ADGRG7: variants seen among roughly 807,000 people sequenced by gnomAD.
The protein encoded by ADGRG7 is adhesion G protein-coupled receptor G7.
ADGRG7 carries 82 observed loss-of-function variants against 88.6 expected under a neutral mutation model. The observed-to-expected ratio is 0.93, with a 90% CI of 0.77 to 1.11. The LOEUF (loss-of-function observed/expected upper bound fraction) is 1.11. ADGRG7 is among the 50% of genes most tolerant of loss of function. The pLI, the probability that ADGRG7 is intolerant of heterozygous loss-of-function variation, is 0.00. For synonymous variants in ADGRG7, 381 were observed against 345.2 expected, an observed-to-expected ratio of 1.10 and a Z score of -1.15; for missense variants, 945 against 953.4, an observed-to-expected ratio of 0.99 and a Z score of 0.12.
rs756596346 is a variant in ADGRG7 at position 100,655,878 on chromosome 3, GTGCCTC to G, written c.1727-19_1727-14del. On this transcript the variant is annotated splice_polypyrimidine_tract_variant and intron_variant, in intron 12 of 15. Transcript: ENST00000273352. ...CAAGTCTGGATAAATCATTAATTAT[GTGCCTC>G]TCTTTATCACATAGGAGTCCCAGCT... 11 of 1,281,394 alleles carry G rather than the reference GTGCCTC, an allele frequency of 8.6e-6. No homozygotes were observed. The highest frequency in any genetic ancestry group is 1.3e-5 in the Non-Finnish European group (11 of 879,506). 79.4% of individuals were successfully genotyped at this position (1,281,394 alleles called of 1,614,324 possible).
intron 15 of ADGRG7, among the ~76,000 whole-genome samples, chr3:100,674,105 A>C (rs1443532272): frequency 6.6e-6 from 1 of 152,148 alleles, no homozygotes; most frequent in Admixed American, 6.6e-5. Flanking sequence ...CATTGGTTTC[A>C]AAGGACATCT....
intron 15 of ADGRG7, among the ~76,000 whole-genome samples, chr3:100,686,249 G>C (rs1372766183): frequency 1.3e-5 from 2 of 151,866 alleles, no homozygotes; most frequent in African/African-American, 2.4e-5. Flanking sequence ...AAATTTGTTT[G>C]AGTTCATTAT....
chr3:100,661,670 A>G (rs1393214885), intron 14 of ADGRG7, among the ~76,000 whole-genome samples: 1 of 152,252 alleles, frequency 6.6e-6, no homozygotes, highest in Admixed American at 6.5e-5. Flanking sequence ...ATGATCTCAA[A>G]CAATATTCAA....
chr3:100,686,784 T>C (rs1363839359), intron 15 of ADGRG7, among the ~76,000 whole-genome samples: 1 of 152,242 alleles, frequency 6.6e-6, no homozygotes, highest in Non-Finnish European at 1.5e-5. Context: ...TGTAGCCTTG[T>C]AGTATAGTTT....
At chr3:100,671,633 G>A (rs1025871726) in intron 15 of ADGRG7, among the ~76,000 whole-genome samples, 2 of 152,160 alleles carry the variant, frequency 1.3e-5, no homozygotes, top group Non-Finnish European at 2.9e-5. Flanking sequence ...CTTTGCACAT[G>A]CCTTTGTCCT....
intron 15 of ADGRG7, 116 bp from the exon 16 acceptor site, chr3:100,694,628 C>T: frequency 2.0e-6 from 2 of 992,330 alleles, no homozygotes; most frequent in South Asian, 1.7e-5. Flanking sequence ...CTGGCAAATT[C>T]AAGTTGGGGA....
At chr3:100,612,599 A>G (rs968388799) in intron 1 of ADGRG7, among the ~76,000 whole-genome samples, 1 of 152,340 alleles carries the variant, frequency 6.6e-6, no homozygotes, top group South Asian at 2.1e-4. Flanking sequence ...CACAATCATA[A>G]TGGTAGAAAA....
At chr3:100,632,748 CAACTACTTAAGTATT>C (rs1306332806) in intron 3 of ADGRG7, among the ~76,000 whole-genome samples, 1 of 152,088 alleles carries the variant, frequency 6.6e-6, no homozygotes, top group Non-Finnish European at 1.5e-5. Context: ...TTTTCTATAG[CAACTACTTAAGTATT>C]AACTACAGGA....
rs753816226 is a variant in ADGRG7, at chr3:100,611,244, TTTCCTTCCTTCC to T, written c.115+1320_115+1331del. On this transcript the variant is annotated intron_variant, in intron 1 of 15. Coordinates refer to ENST00000273352, the MANE Select transcript of ADGRG7 (RefSeq NM_032787.3). Reference sequence around the variant, plus strand: ...CTTCACAAAGTTTTGTTTGTTTGTTTTTCCTTCCTTCCTTCCTTCCTTCCTTCCTTCCTTCCT... The same window carrying T: ...CTTCACAAAGTTTTGTTTGTTTGTTTTTCCTTCCTTCCTTCCTTCCTTCCT... Among the ~76,000 whole-genome samples, 531 of 64,870 alleles carry T rather than the reference TTTCCTTCCTTCC, an allele frequency of 8.2e-3. 7 individuals are homozygous for T. The highest frequency in any genetic ancestry group is 0.016 in the African/African-American group (488 of 30,088). The allele number at this position is 64,870 out of a possible 152,430, so 42.6% of individuals were successfully genotyped here. A position where few individuals can be genotyped will look rare whatever the true frequency, so the allele number is the denominator to read the frequency against.
intron 15 of ADGRG7, among the ~76,000 whole-genome samples, chr3:100,691,891 T>TG (rs1261131703): frequency 2.6e-5 from 4 of 152,170 alleles, no homozygotes; most frequent in Non-Finnish European, 5.9e-5. Context: ...ATCAGTACTC[T>TG]GAGTGCAAGG....
In ADGRG7 at chr3:100,692,534, G is replaced by T. The variant is rs549194619; in HGVS notation, c.2137-2210G>T. 2.6e-5 allele frequency among the ~76,000 whole-genome samples: 4 copies of T among 152,234 alleles called. No individual in the cohort carries two copies. In the South Asian group the frequency reaches 6.2e-4, roughly 24 times the overall value. The stretch of plus-strand genomic sequence containing the variant: ...GTAACAAAGTGTTAATGGTAAAATG[G>T]TAAAAACTGTTAATGGTAAAATGAT... On this transcript the variant is annotated intron_variant, in intron 15 of 15. Transcript: ENST00000273352.
chr3:100,695,193 T>G lies in ADGRG7; in HGVS notation c.*192T>G. 1.7e-6 allele frequency: 1 copy of G among 587,768 alleles called. No homozygotes were observed. Among genetic ancestry groups the G allele is most frequent in the Non-Finnish European group, 2.9e-6 (1 of 341,166 alleles). The allele number at this position is 587,768 out of a possible 1,614,324, so 36.4% of individuals were successfully genotyped here. A position where few individuals can be genotyped will look rare whatever the true frequency, so the allele number is the denominator to read the frequency against. ...GGTAGTTTTTCTATTTTTCAATAGATTTGTACTTGAATAAGGTGAAGAATT... is the reference window on the plus strand; with the variant it reads ...GGTAGTTTTTCTATTTTTCAATAGAGTTGTACTTGAATAAGGTGAAGAATT... On this transcript the variant is annotated 3_prime_UTR_variant, in exon 16 of 16. Transcript: ENST00000273352.
chr3:100,680,607 G>A (rs114564189), intron 15 of ADGRG7, among the ~76,000 whole-genome samples: 1,539 of 152,034 alleles, frequency 0.01, 22 homozygotes, highest in African/African-American at 0.024. Context: ...CAATTATTAA[G>A]CAATACTTCT....
intron 14 of ADGRG7, among the ~76,000 whole-genome samples, chr3:100,664,156 A>G (rs990130087): frequency 3.9e-5 from 6 of 152,054 alleles, no homozygotes; most frequent in Non-Finnish European, 7.4e-5. Flanking sequence ...TTTTATTTGG[A>G]CTCTTTAAAA....
In ADGRG7 at chr3:100,659,693, G is replaced by T. The variant is rs1036708582; in HGVS notation, c.1829G>T (p.Trp610Leu). 6.2e-7 allele frequency: 1 copy of T among 1,612,526 alleles called. No individual in the cohort carries two copies. The highest frequency in any genetic ancestry group is 8.5e-7 in the Non-Finnish European group (1 of 1,179,490). ...ATTTTTTTTTTCCTCCACAGCTGCT[G>T]GCTGGCAATTCCAGAACCCAATGGT... ...ELDYRQEKIC[W>L]LAIPEPNGVI... Residue 610 changes from tryptophan (W) to leucine (L), a missense_variant, in exon 14 of 16, where the codon TGG becomes TTG. Trp to Leu is a moderately conservative substitution (Grantham distance 61). Coordinates refer to ENST00000273352, the MANE Select transcript of ADGRG7 (RefSeq NM_032787.3).
chr3:100,676,776 T>C (rs779652929), intron 15 of ADGRG7, among the ~76,000 whole-genome samples: 2 of 152,074 alleles, frequency 1.3e-5, no homozygotes, highest in Non-Finnish European at 2.9e-5. Flanking sequence ...TATATGTGGG[T>C]GCTCCAGTAT....
intron 1 of ADGRG7, among the ~76,000 whole-genome samples, chr3:100,629,047 C>T (rs776901945): frequency 1.3e-5 from 2 of 152,110 alleles, no homozygotes; most frequent in Non-Finnish European, 2.9e-5. Context: ...ATGTTAAATT[C>T]TTCTCTGTTC....
At chr3:100,690,249 A>T (rs1303888006) in intron 15 of ADGRG7, among the ~76,000 whole-genome samples, 3 of 151,624 alleles carry the variant, frequency 2.0e-5, no homozygotes. Context: ...ACTTCTCTGT[A>T]TTGGTTATTC....
At position 100,647,707 on chromosome 3, in the gene ADGRG7, C is replaced by CAA. The variant is rs11451477; in HGVS notation, c.1266+990_1266+991dup. Among the ~76,000 whole-genome samples the CAA allele has an allele frequency of 6.7e-4, 101 of 151,842 alleles. 1 individual carries two copies. The East Asian group carries it at 0.017, about 26-fold the overall frequency. ...CCAGAAATCTATTATTCCGGTGAAA[C>CAA]AAAAAAAAGTTAGTTTATATACTTG... On this transcript the variant is annotated intron_variant, in intron 10 of 15. Transcript: ENST00000273352.
Sources: gnomAD v4.1 joint callset for allele counts (sites outside exome capture counted in the v4.1 genomes callset) on GRCh38, gnomAD v4.1.1 for gene constraint, MANE v1.5 for transcripts, NCBI Gene and HGNC (gene_info 2026-07-23, HGNC 2026-07-21) for gene names.